The following TVP23C variants were observed in gnomAD, a reference collection of about 807,000 sequenced individuals.
TVP23C encodes the protein Golgi apparatus membrane protein TVP23 homolog C.
TVP23C carries 19 observed loss-of-function variants against 28.7 expected under a neutral mutation model. The observed-to-expected ratio is 0.66, with a 90% CI of 0.46 to 0.97. The LOEUF (loss-of-function observed/expected upper bound fraction) is 0.97. Among genes scored for constraint, TVP23C ranks in the 50% least tolerant of loss-of-function variants. The probability of loss-of-function intolerance (pLI) is 0.00; values close to 1 mark genes in which losing one functional copy is unlikely to be tolerated. For missense variants in TVP23C, 186 were observed against 241.3 expected, an observed-to-expected ratio of 0.77 and a Z score of 1.52; for synonymous variants, 68 against 81.7, an observed-to-expected ratio of 0.83 and a Z score of 0.90.
chr17:15,522,322 T>A (rs1462457393), intron 5 of TVP23C, among the ~76,000 whole-genome samples: 3 of 152,202 alleles, frequency 2.0e-5, no homozygotes, highest in African/African-American at 7.2e-5. Flanking sequence ...GAGCTGCTAT[T>A]CATAAGAAAT....
chr17:15,504,698 A>C (rs1981646407), intron 5 of TVP23C, among the ~76,000 whole-genome samples: 1 of 152,084 alleles, frequency 6.6e-6, no homozygotes, highest in African/African-American at 2.4e-5. Flanking sequence ...CATGCCCAGC[A>C]CATTTTTAAA....
chr17:15,521,860 T>A (rs1982495652), intron 5 of TVP23C, among the ~76,000 whole-genome samples: 1 of 152,142 alleles, frequency 6.6e-6, no homozygotes, highest in Non-Finnish European at 1.5e-5. Flanking sequence ...CTACTCCACA[T>A]GTCTCTCATT....
At chr17:15,526,633 C>T (rs1982738781) in intron 5 of TVP23C, among the ~76,000 whole-genome samples, 1 of 152,140 alleles carries the variant, frequency 6.6e-6, no homozygotes, top group African/African-American at 2.4e-5. Context: ...TGTAGGAAAA[C>T]CATCATTTCT....
At chr17:15,507,503 A>G (rs1597501773) in intron 5 of TVP23C, 2 of 409,752 alleles carry the variant, frequency 4.9e-6, no homozygotes, top group East Asian at 9.8e-5. Context: ...GTTCCCTTCC[A>G]TGCCTAGCTG....
chr17:15,551,142 A>C (rs1983865523), intron 3 of TVP23C, among the ~76,000 whole-genome samples: 2 of 150,244 alleles, frequency 1.3e-5, no homozygotes, highest in South Asian at 4.2e-4. Context: ...TTTGAGATGG[A>C]GTCTTGCTCT....
rs146883150 is a variant in TVP23C at position 15,505,384 on chromosome 17, A to C, written c.463-2152T>G. Among the ~76,000 whole-genome samples the C allele has an allele frequency of 3.8e-3, 581 of 152,286 alleles. 6 individuals are homozygous for C. The highest frequency in any genetic ancestry group is 0.013 in the African/African-American group (537 of 41,556). On this transcript the variant is annotated intron_variant, in intron 5 of 5. Transcript: ENST00000225576. The stretch of plus-strand genomic sequence containing the variant: ...CCACCAGTCTCAGGCAGTGACGCCT[A>C]CTGGTTTAGAGCACAGATTCTAGAT...
chr17:15,562,987 C>CT (rs1873481374), intron 1 of TVP23C: 1 of 183,080 alleles, frequency 5.5e-6, no homozygotes, highest in Admixed American at 6.1e-5. Flanking sequence ...ACAATTAACT[C>CT]TAAGAGCACA....
chr17:15,515,456 T>A (rs9903674), intron 5 of TVP23C, among the ~76,000 whole-genome samples: 1 of 151,994 alleles, frequency 6.6e-6, no homozygotes, highest in Non-Finnish European at 1.5e-5. Flanking sequence ...CAGAGGGGAA[T>A]CCTGCCTCCA....
intron 5 of TVP23C, among the ~76,000 whole-genome samples, chr17:15,504,661 C>G (rs1376159882): frequency 1.3e-5 from 2 of 151,986 alleles, no homozygotes; most frequent in African/African-American, 4.8e-5. Flanking sequence ...TTCCTGGGCT[C>G]AAGCTGGGAC....
intron 3 of TVP23C, 151 bp from the exon 4 acceptor site, chr17:15,547,299 T>G: frequency 1.3e-6 from 2 of 1,484,172 alleles, no homozygotes; most frequent in Non-Finnish European, 1.8e-6. Flanking sequence ...GTATCAGGCC[T>G]GGCTAAACGA....
At chr17:15,511,944 G>T (rs146329793) in intron 5 of TVP23C, among the ~76,000 whole-genome samples, 1 of 152,288 alleles carries the variant, frequency 6.6e-6, no homozygotes, top group African/African-American at 2.4e-5. Context: ...GGAAATTATG[G>T]TTTAATTAGT....
intron 5 of TVP23C, among the ~76,000 whole-genome samples, chr17:15,544,751 C>T (rs1983569367): frequency 6.6e-6 from 1 of 151,804 alleles, no homozygotes; most frequent in Non-Finnish European, 1.5e-5. Context: ...AGGTAACTAC[C>T]AGAAGAACTG....
intron 1 of TVP23C, chr17:15,562,152 T>A (rs1326193708): frequency 2.6e-5 from 4 of 152,216 alleles, no homozygotes; most frequent in African/African-American, 9.6e-5. Context: ...ATTCCTTTAC[T>A]TTCTTAATAA....
chr17:15,506,004 C>G (rs546156840), intron 5 of TVP23C, among the ~76,000 whole-genome samples: 1 of 152,228 alleles, frequency 6.6e-6, no homozygotes, highest in African/African-American at 2.4e-5. Context: ...GCCCAAGCCT[C>G]CCCGACGAGC....
intron 1 of TVP23C, among the ~76,000 whole-genome samples, chr17:15,561,646 A>G (rs868071698): frequency 0.012 from 1,775 of 149,556 alleles, 7 homozygotes; most frequent in African/African-American, 0.042. Context: ...ATAAATAAAT[A>G]AATAAATAAA....
At chr17:15,513,101 C>T (rs1022054404) in intron 5 of TVP23C, among the ~76,000 whole-genome samples, 3 of 152,130 alleles carry the variant, frequency 2.0e-5, no homozygotes, top group Admixed American at 6.5e-5. Context: ...TTGTACTATG[C>T]GAGGAACTTG....
chr17:15,544,792 C>T (rs558021223), intron 5 of TVP23C, among the ~76,000 whole-genome samples: 24 of 151,880 alleles, frequency 1.6e-4, no homozygotes, highest in African/African-American at 5.3e-4. Context: ...AATAAGCTTC[C>T]AAATCCAAAG....
At chr17:15,510,812 A>T (rs764086192) in intron 5 of TVP23C, among the ~76,000 whole-genome samples, 31 of 152,272 alleles carry the variant, frequency 2.0e-4, no homozygotes, top group Middle Eastern at 3.4e-3. Context: ...TAATCCCAGC[A>T]CGTTGGGAGG....
chr17:15,513,027 T>TTC (rs752532512), intron 5 of TVP23C, among the ~76,000 whole-genome samples: 15 of 152,152 alleles, frequency 9.9e-5, no homozygotes, highest in Middle Eastern at 3.2e-3. Context: ...GCACTTTTGG[T>TTC]TCTAACGGCC....
Sources: allele counts gnomAD v4.1 joint callset (sites outside exome capture counted in the v4.1 genomes callset), GRCh38; gene constraint gnomAD v4.1.1; transcripts MANE v1.5; gene names NCBI Gene and HGNC (gene_info 2026-07-23, HGNC 2026-07-21).